ST7: variants seen among roughly 807,000 people sequenced by gnomAD.
The protein encoded by ST7 is suppressor of tumorigenicity 7 protein.
ST7 carries 28 observed loss-of-function variants against 78.7 expected under a neutral mutation model. That is an observed-to-expected ratio of 0.36 (90% CI 0.26 to 0.49). The LOEUF (loss-of-function observed/expected upper bound fraction) is 0.49, where lower values mean the gene tolerates loss of function less well. Among genes scored for constraint, ST7 ranks in the 20% least tolerant of loss-of-function variants. ST7 has a pLI of 0.99. For synonymous variants in ST7, 247 were observed against 249.6 expected, an observed-to-expected ratio of 0.99 and a Z score of 0.10; for missense variants, 418 against 696.0, an observed-to-expected ratio of 0.60 and a Z score of 4.49.
At chr7:117,178,372 GCT>G (rs1171503512) in intron 10 of ST7, among the ~76,000 whole-genome samples, 1 of 152,186 alleles carries the variant, frequency 6.6e-6, no homozygotes, top group Non-Finnish European at 1.5e-5. Flanking sequence ...ATGAATCAGT[GCT>G]CAGTGAGTCT....
At chr7:117,180,078 T>C (rs1808634005) in intron 10 of ST7, among the ~76,000 whole-genome samples, 1 of 152,176 alleles carries the variant, frequency 6.6e-6, no homozygotes, top group Non-Finnish European at 1.5e-5. Context: ...GTCTCCTGGG[T>C]GGGAAAACTT....
chr7:117,175,889 G>A (rs1808309894), intron 10 of ST7, among the ~76,000 whole-genome samples: 1 of 152,128 alleles, frequency 6.6e-6, no homozygotes, highest in Non-Finnish European at 1.5e-5. Flanking sequence ...GTCGCAATGA[G>A]AGAATAAGAG....
intron 15 of ST7, among the ~76,000 whole-genome samples, chr7:117,226,903 C>T (rs986332006): frequency 5.3e-5 from 8 of 152,216 alleles, no homozygotes; most frequent in Non-Finnish European, 7.4e-5. Context: ...ATTGGGGCTT[C>T]GTATTCTTGT....
intron 13 of ST7, among the ~76,000 whole-genome samples, chr7:117,210,832 A>G (rs571625060): frequency 1.2e-4 from 18 of 152,366 alleles, no homozygotes; most frequent in South Asian, 6.2e-4. Context: ...TTCTGCTAGC[A>G]TTAATTTTAG....
intron 10 of ST7, among the ~76,000 whole-genome samples, chr7:117,179,815 G>C (rs931095434): frequency 6.6e-6 from 1 of 152,184 alleles, no homozygotes; most frequent in African/African-American, 2.4e-5. Flanking sequence ...AGTGAAGGGG[G>C]TGGCACAATA....
At chr7:117,149,896 A>G (rs1440869578) in intron 9 of ST7, among the ~76,000 whole-genome samples, 2 of 152,072 alleles carry the variant, frequency 1.3e-5, no homozygotes, top group Admixed American at 6.5e-5. Context: ...CTGGCTTATC[A>G]TTTAATCACA....
At chr7:117,131,516 A>G (rs567489901) in intron 5 of ST7, among the ~76,000 whole-genome samples, 9 of 152,012 alleles carry the variant, frequency 5.9e-5, no homozygotes, top group Middle Eastern at 6.8e-3. Context: ...AAAATGACCA[A>G]TTATGTTGTA....
chr7:117,064,542 G>C lies in ST7; in HGVS notation c.152-35220G>C, dbSNP rs529481545. Among the ~76,000 whole-genome samples the C allele has an allele frequency of 1.5e-3, 222 of 152,268 alleles. 1 individual carries two copies. The highest frequency in any genetic ancestry group is 5.0e-3 in the African/African-American group (206 of 41,556). ...CAGGACCAACGTGTTGGGGTTTGCAGGTGAAATTTGACTGTAATTTATTTA... is the reference window on the plus strand; with the variant it reads ...CAGGACCAACGTGTTGGGGTTTGCACGTGAAATTTGACTGTAATTTATTTA... On this transcript the variant is annotated intron_variant, in intron 1 of 15. Transcript: ENST00000323984.
chr7:117,147,894 ATACAT>A (rs200315984), intron 9 of ST7, among the ~76,000 whole-genome samples: 16,737 of 152,088 alleles, frequency 0.11, 1,019 homozygotes, highest in Non-Finnish European at 0.14. Flanking sequence ...CTTAGAAAGC[ATACAT>A]CATATGATAT....
At chr7:117,133,763 C>T (rs895556663) in intron 6 of ST7, among the ~76,000 whole-genome samples, 5 of 151,360 alleles carry the variant, frequency 3.3e-5, no homozygotes, top group Non-Finnish European at 7.4e-5. Flanking sequence ...AAGCTCATTC[C>T]ACTCTCTTAT....
Position 117,120,736 on chromosome 7 carries a change from T to C in ST7, c.394+1016T>C, listed in dbSNP as rs1563097648. Among the ~76,000 whole-genome samples the C allele has an allele frequency of 2.0e-5, 3 of 152,238 alleles. No individual in the cohort carries two copies. In the South Asian group the frequency reaches 6.2e-4, roughly 32 times the overall value. On this transcript the variant is annotated intron_variant, in intron 3 of 15. Transcript: ENST00000323984. Reference sequence around the variant, plus strand: ...TAATATTTTTACCTTTAGCAACACATCAAATTACATTGTAATTTTTAAGGT... The same window carrying C: ...TAATATTTTTACCTTTAGCAACACACCAAATTACATTGTAATTTTTAAGGT...
At chr7:116,989,914 G>T (rs1794352114) in intron 1 of ST7, among the ~76,000 whole-genome samples, 1 of 152,060 alleles carries the variant, frequency 6.6e-6, no homozygotes, top group African/African-American at 2.4e-5. Flanking sequence ...TGTGTGTTAT[G>T]TGGCATAGAT....
chr7:117,189,617 A>C (rs1809591507), intron 11 of ST7, among the ~76,000 whole-genome samples: 1 of 152,212 alleles, frequency 6.6e-6, no homozygotes, highest in African/African-American at 2.4e-5. Flanking sequence ...GATTTATTTG[A>C]AATTCCATGC....
intron 1 of ST7, among the ~76,000 whole-genome samples, chr7:116,960,385 C>T (rs553027824): frequency 5.9e-5 from 9 of 152,116 alleles, no homozygotes; most frequent in Admixed American, 1.3e-4. Flanking sequence ...AGACAGAGTT[C>T]GCCATCTTGT....
At chr7:117,074,915 A>G (rs1799235101) in intron 1 of ST7, among the ~76,000 whole-genome samples, 1 of 152,184 alleles carries the variant, frequency 6.6e-6, no homozygotes, top group African/African-American at 2.4e-5. Context: ...AATCTCATAG[A>G]ATAATTTCAA....
At chr7:117,110,010 C>T (rs144303936) in intron 2 of ST7, among the ~76,000 whole-genome samples, 8 of 152,170 alleles carry the variant, frequency 5.3e-5, no homozygotes, top group African/African-American at 1.9e-4. Flanking sequence ...TGATTAAAAA[C>T]CTACCTTAAT....
intron 1 of ST7, among the ~76,000 whole-genome samples, chr7:116,963,277 G>C (rs1273119245): frequency 6.6e-6 from 1 of 152,184 alleles, no homozygotes; most frequent in Non-Finnish European, 1.5e-5. Context: ...AAAGATATCT[G>C]TAAAGGGCTT....
At chr7:117,069,236 C>T (rs886698478) in intron 1 of ST7, among the ~76,000 whole-genome samples, 1 of 152,182 alleles carries the variant, frequency 6.6e-6, no homozygotes, top group Non-Finnish European at 1.5e-5. Flanking sequence ...AGTATCATAT[C>T]CTTCCTCCCT....
intron 2 of ST7, among the ~76,000 whole-genome samples, chr7:117,115,717 T>C (rs913054311): frequency 6.6e-6 from 1 of 151,562 alleles, no homozygotes; most frequent in African/African-American, 2.4e-5. Flanking sequence ...TTGTACTCTT[T>C]CCCACCATCA....
Sources: allele counts gnomAD v4.1 joint callset (sites outside exome capture counted in the v4.1 genomes callset), GRCh38; gene constraint gnomAD v4.1.1; transcripts MANE v1.5; gene names NCBI Gene and HGNC (gene_info 2026-07-23, HGNC 2026-07-21).